KIAA1328: variants seen among roughly 807,000 people sequenced by gnomAD.
The protein encoded by KIAA1328 is KIAA1328.
KIAA1328 carries 52 observed loss-of-function variants against 68.1 expected under a neutral mutation model. The ratio of observed to expected loss-of-function variants is 0.76; its 90% CI spans 0.61 to 0.96. The LOEUF (loss-of-function observed/expected upper bound fraction) is 0.96, where lower values mean the gene tolerates loss of function less well. Among genes scored for constraint, KIAA1328 ranks in the 40% least tolerant of loss-of-function variants. The probability of loss-of-function intolerance (pLI) is 0.00; values close to 1 mark genes in which losing one functional copy is unlikely to be tolerated. For synonymous variants in KIAA1328, 232 were observed against 239.4 expected, an observed-to-expected ratio of 0.97 and a Z score of 0.28; for missense variants, 641 against 677.6, an observed-to-expected ratio of 0.95 and a Z score of 0.60.
intron 7 of KIAA1328, among the ~76,000 whole-genome samples, chr18:37,152,110 A>C (rs2059046458): frequency 6.6e-6 from 1 of 151,844 alleles, no homozygotes; most frequent in Non-Finnish European, 1.5e-5. Flanking sequence ...AAAAAAAAAA[A>C]AAAAAAACAG....
At chr18:36,927,121 G>T (rs954661074) in intron 5 of KIAA1328, among the ~76,000 whole-genome samples, 20 of 152,146 alleles carry the variant, frequency 1.3e-4, no homozygotes, top group African/African-American at 4.8e-4. Context: ...TCAACATTGG[G>T]AATCACATTT....
chr18:37,025,972 G>C (rs1407898409), intron 6 of KIAA1328, among the ~76,000 whole-genome samples: 1 of 152,002 alleles, frequency 6.6e-6, no homozygotes, highest in Non-Finnish European at 1.5e-5. Flanking sequence ...TTCATAGACC[G>C]CTAGCAAGAC....
At chr18:37,140,385 A>G (rs2058741134) in intron 7 of KIAA1328, among the ~76,000 whole-genome samples, 1 of 152,160 alleles carries the variant, frequency 6.6e-6, no homozygotes, top group South Asian at 2.1e-4. Flanking sequence ...CTTTTTAAGG[A>G]ATGCAAATAC....
intron 5 of KIAA1328, among the ~76,000 whole-genome samples, chr18:36,907,424 G>C (rs2049264580): frequency 2.0e-5 from 3 of 152,060 alleles, no homozygotes; most frequent in African/African-American, 7.2e-5. Flanking sequence ...TTAGCTATAA[G>C]TTTAACATAG....
intron 5 of KIAA1328, among the ~76,000 whole-genome samples, chr18:36,901,713 A>G (rs1240439676): frequency 6.6e-6 from 1 of 152,062 alleles, no homozygotes; most frequent in African/African-American, 2.4e-5. Flanking sequence ...CAGTCTAGAA[A>G]GATTGGGTAA....
intron 4 of KIAA1328, among the ~76,000 whole-genome samples, chr18:36,875,167 T>G (rs919658956): frequency 2.6e-5 from 4 of 152,214 alleles, no homozygotes; most frequent in African/African-American, 9.7e-5. Context: ...CTTTTTTGGT[T>G]TCATATGAAA....
rs116163382 is a variant in KIAA1328 at position 37,109,384 on chromosome 18, A to G, written c.1232+41839A>G. Among the ~76,000 whole-genome samples, 607 of 152,352 alleles carry G rather than the reference A, an allele frequency of 4.0e-3. 1 individual carries two copies. Among genetic ancestry groups the G allele is most frequent in the African/African-American group, 0.014 (582 of 41,582 alleles). ...AAATAAAACATGTTACCCCTCGTAT[A>G]TGGCATAGCATAGCCTAAGAATTAG... On this transcript the variant is annotated intron_variant, in intron 7 of 9. Transcript: ENST00000280020.
At chr18:36,877,946 C>T (rs2048194587) in intron 4 of KIAA1328, among the ~76,000 whole-genome samples, 1 of 152,020 alleles carries the variant, frequency 6.6e-6, no homozygotes, top group South Asian at 2.1e-4. Flanking sequence ...GGATTACGGG[C>T]CTGAGCCACT....
At chr18:36,865,817 T>C (rs1031560529) in intron 4 of KIAA1328, among the ~76,000 whole-genome samples, 6 of 152,174 alleles carry the variant, frequency 3.9e-5, no homozygotes, top group Admixed American at 6.5e-5. Context: ...CCTCTCACTT[T>C]ATACTGTCAT....
chr18:37,010,441 TA>T (rs59927777), intron 6 of KIAA1328, among the ~76,000 whole-genome samples: 246 of 90,286 alleles, frequency 2.7e-3, no homozygotes, highest in African/African-American at 0.012. Flanking sequence ...AGACACCATC[TA>T]AAAAAAAAAA....
At chr18:36,942,262 G>T (rs2050742884) in intron 5 of KIAA1328, among the ~76,000 whole-genome samples, 2 of 152,200 alleles carry the variant, frequency 1.3e-5, no homozygotes, top group Non-Finnish European at 1.5e-5. Context: ...GTAGTTTTCT[G>T]CCTGCACCTG....
Position 37,067,297 on chromosome 18 carries a change from T to C in KIAA1328, c.984T>C (p.Pro328=). The C allele has an allele frequency of 6.2e-7, 1 of 1,613,988 alleles. No homozygotes were observed. The highest frequency in any genetic ancestry group is 8.5e-7 in the Non-Finnish European group (1 of 1,179,876). ...CTACAAACATGACCCCTCAACATCCTAAGACACATCCAGAATCATGCAGTT... is the reference window on the plus strand; with the variant it reads ...CTACAAACATGACCCCTCAACATCCCAAGACACATCCAGAATCATGCAGTT... The part of the protein sequence containing the change: ...SHPTNMTPQH[P]KTHPESCSYC... Residue 328 remains proline, a synonymous_variant, in exon 7 of 10, where the codon CCT becomes CCC. Transcript: ENST00000280020.
At chr18:37,168,414 C>T (rs1383262396) in intron 8 of KIAA1328, among the ~76,000 whole-genome samples, 2 of 152,208 alleles carry the variant, frequency 1.3e-5, no homozygotes, top group African/African-American at 4.8e-5. Flanking sequence ...CTGACAGCAT[C>T]TGCCACAGCA....
chr18:36,885,186 A>G (rs2048456205), intron 4 of KIAA1328, among the ~76,000 whole-genome samples: 1 of 152,174 alleles, frequency 6.6e-6, no homozygotes, highest in Non-Finnish European at 1.5e-5. Flanking sequence ...CAAAATGTAA[A>G]TCAAAATCAA....
intron 9 of KIAA1328, among the ~76,000 whole-genome samples, chr18:37,177,611 TA>T (rs1298568486): frequency 6.6e-6 from 1 of 152,148 alleles, no homozygotes; most frequent in Admixed American, 6.5e-5. Context: ...TTCACTTTTT[TA>T]GCTTTTTTTT....
At chr18:37,082,014 T>C (rs1290423535) in intron 7 of KIAA1328, among the ~76,000 whole-genome samples, 1 of 152,116 alleles carries the variant, frequency 6.6e-6, no homozygotes, top group East Asian at 1.9e-4. Context: ...TACTAAGCCC[T>C]CTACTCTGCA....
At chr18:37,178,112 G>A (rs2586784) in intron 9 of KIAA1328, among the ~76,000 whole-genome samples, 146,115 of 152,158 alleles carry the variant, frequency 0.96, 70,212 homozygotes, top group East Asian at 1. Flanking sequence ...AATATTGTTA[G>A]CCATAGTCAC....
intron 7 of KIAA1328, among the ~76,000 whole-genome samples, chr18:37,081,513 T>C (rs1250228184): frequency 1.3e-5 from 2 of 152,236 alleles, no homozygotes; most frequent in East Asian, 3.8e-4. Context: ...TTCTGCACAT[T>C]AATATCATAT....
At chr18:37,088,912 G>T (rs1412688660) in intron 7 of KIAA1328, among the ~76,000 whole-genome samples, 1 of 151,960 alleles carries the variant, frequency 6.6e-6, no homozygotes, top group African/African-American at 2.4e-5. Context: ...TTATTCTGTT[G>T]TCTGTCCTGA....
Sources: gnomAD v4.1 joint callset for allele counts (sites outside exome capture counted in the v4.1 genomes callset) on GRCh38, gnomAD v4.1.1 for gene constraint, MANE v1.5 for transcripts, NCBI Gene and HGNC (gene_info 2026-07-23, HGNC 2026-07-21) for gene names.